CCDC178: variants seen among roughly 807,000 people sequenced by gnomAD.
CCDC178 encodes coiled-coil domain containing 178.
CCDC178 carries 126 observed loss-of-function variants against 117.4 expected under a neutral mutation model. The observed-to-expected ratio is 1.07, with a 90% CI of 0.93 to 1.24. CCDC178 has a LOEUF of 1.24. CCDC178 is among the 50% of genes most tolerant of loss of function. The pLI is 0.00. For synonymous variants in CCDC178, 283 were observed against 313.4 expected (o/e 0.90, Z 1.02); for missense variants, 1,030 against 986.9 (o/e 1.04, Z -0.59).
chr18:32,972,625 G>A (rs1349570360), intron 22 of CCDC178, among the ~76,000 whole-genome samples: 1 of 151,974 alleles, frequency 6.6e-6, no homozygotes, highest in Non-Finnish European at 1.5e-5. Flanking sequence ...CAGAAACAGG[G>A]AAGAGTATAA....
At chr18:33,243,165 T>C (rs1487729385) in intron 15 of CCDC178, among the ~76,000 whole-genome samples, 2 of 151,898 alleles carry the variant, frequency 1.3e-5, no homozygotes, top group African/African-American at 2.4e-5. Flanking sequence ...AGTTAAATAC[T>C]ACATAATCTC....
At chr18:33,182,814 T>C (rs2058746316) in intron 20 of CCDC178, among the ~76,000 whole-genome samples, 1 of 152,008 alleles carries the variant, frequency 6.6e-6, no homozygotes, top group Non-Finnish European at 1.5e-5. Context: ...CTTATATTCA[T>C]ATATAATCAT....
rs80218810 is a variant in CCDC178, at chr18:32,970,172, G to T, written c.2523+4375C>A. ...TCAGATACACCAATTCTTTGTTCCA[G>T]TTATAACTCATCTTATTGGTTTCTG... On this transcript the variant is annotated intron_variant, in intron 22 of 22. Transcript: ENST00000383096. Among the ~76,000 whole-genome samples, 338 of 151,872 alleles carry T rather than the reference G, an allele frequency of 2.2e-3. 3 individuals are homozygous for T. Among genetic ancestry groups the T allele is most frequent in the Admixed American group, 0.016 (242 of 15,184 alleles).
At chr18:32,991,452 A>G (rs2055391590) in intron 21 of CCDC178, among the ~76,000 whole-genome samples, 1 of 152,212 alleles carries the variant, frequency 6.6e-6, no homozygotes. Flanking sequence ...TTGAGCCATG[A>G]AAGATAAAAA....
At chr18:32,970,469 G>T (rs564151360) in intron 22 of CCDC178, among the ~76,000 whole-genome samples, 48 of 151,866 alleles carry the variant, frequency 3.2e-4, no homozygotes, top group African/African-American at 1.1e-3. Context: ...CTTGAGAATA[G>T]GAAACATTAT....
At chr18:33,394,778 T>C (rs1338672513) in intron 4 of CCDC178, among the ~76,000 whole-genome samples, 2 of 150,808 alleles carry the variant, frequency 1.3e-5, no homozygotes, top group Non-Finnish European at 3.0e-5. Flanking sequence ...CAGAAGAGGA[T>C]TAAACTTGTT....
chr18:33,025,081 G>A (rs1029208304), intron 21 of CCDC178, among the ~76,000 whole-genome samples: 4 of 152,028 alleles, frequency 2.6e-5, no homozygotes, highest in African/African-American at 9.7e-5. Flanking sequence ...CTAGACAATG[G>A]GTAACAGAGG....
At chr18:33,196,682 AT>A (rs1398362821) in intron 20 of CCDC178, among the ~76,000 whole-genome samples, 1 of 152,110 alleles carries the variant, frequency 6.6e-6, no homozygotes, top group African/African-American at 2.4e-5. Context: ...GCATACGAAT[AT>A]CTTTAAACTA....
At chr18:33,161,504 T>G (rs1273612326) in intron 20 of CCDC178, among the ~76,000 whole-genome samples, 1 of 152,180 alleles carries the variant, frequency 6.6e-6, no homozygotes, top group Non-Finnish European at 1.5e-5. Flanking sequence ...CCTATTCATA[T>G]TTTATAGATA....
chr18:32,992,455 A>C (rs1195569191), intron 21 of CCDC178, among the ~76,000 whole-genome samples: 1 of 152,224 alleles, frequency 6.6e-6, no homozygotes, highest in Non-Finnish European at 1.5e-5. Flanking sequence ...GATGCTTTGA[A>C]AGTAAGTAAA....
At chr18:33,343,375 T>C (rs529435956) in intron 9 of CCDC178, among the ~76,000 whole-genome samples, 1 of 152,364 alleles carries the variant, frequency 6.6e-6, no homozygotes, top group African/African-American at 2.4e-5. Flanking sequence ...GGTAAGCTTA[T>C]TTCTAGTTAT....
chr18:33,231,347 A>T (rs539531663), intron 15 of CCDC178, among the ~76,000 whole-genome samples: 106 of 152,178 alleles, frequency 7.0e-4, no homozygotes, highest in Middle Eastern at 6.8e-3. Context: ...ACAACTTTTT[A>T]AAAAAAAGGT....
At chr18:33,066,006 C>A (rs1015973685) in intron 21 of CCDC178, among the ~76,000 whole-genome samples, 3 of 151,718 alleles carry the variant, frequency 2.0e-5, no homozygotes, top group Non-Finnish European at 4.4e-5. Context: ...GGACTACAGG[C>A]GCCTGCCATC....
intron 22 of CCDC178, among the ~76,000 whole-genome samples, chr18:32,942,650 T>C (rs2054266584): frequency 6.6e-6 from 1 of 152,196 alleles, no homozygotes; most frequent in African/African-American, 2.4e-5. Context: ...TGAATTGATC[T>C]TGCAGCTTAT....
At chr18:33,331,662 C>T (rs1428164061) in intron 10 of CCDC178, among the ~76,000 whole-genome samples, 1 of 152,090 alleles carries the variant, frequency 6.6e-6, no homozygotes, top group Non-Finnish European at 1.5e-5. Flanking sequence ...TCCAACCTGA[C>T]ACATTGTCAC....
chr18:33,127,779 CTG>C (rs886855976), intron 20 of CCDC178, among the ~76,000 whole-genome samples: 1 of 152,100 alleles, frequency 6.6e-6, no homozygotes, highest in African/African-American at 2.4e-5. Flanking sequence ...AAGGAAATCT[CTG>C]ATACTGTTTA....
At chr18:33,251,349 G>A (rs1318093914) in intron 14 of CCDC178, among the ~76,000 whole-genome samples, 1 of 151,688 alleles carries the variant, frequency 6.6e-6, no homozygotes, top group East Asian at 1.9e-4. Context: ...AGGATGATTA[G>A]TTTAAATTGA....
At chr18:33,316,516 G>A (rs900551024) in intron 11 of CCDC178, among the ~76,000 whole-genome samples, 2 of 151,976 alleles carry the variant, frequency 1.3e-5, no homozygotes, top group Admixed American at 6.6e-5. Flanking sequence ...CCTGACGAGC[G>A]CCGCCCCCTG....
intron 20 of CCDC178, among the ~76,000 whole-genome samples, chr18:33,179,110 A>ATATAT (rs1568037073): frequency 1.0e-5 from 1 of 100,200 alleles, no homozygotes; most frequent in African/African-American, 5.2e-5. Flanking sequence ...TATATATATA[A>ATATAT]ACTATATATA....
Sources: gnomAD v4.1 joint callset for allele counts (sites outside exome capture counted in the v4.1 genomes callset) on GRCh38, gnomAD v4.1.1 for gene constraint, MANE v1.5 for transcripts, NCBI Gene and HGNC (gene_info 2026-07-23, HGNC 2026-07-21) for gene names.